The following CDC20B variants were observed in gnomAD, a reference collection of about 807,000 sequenced individuals.
The protein encoded by CDC20B is cell division cycle protein 20 homolog B.
Under a neutral mutation model 64.1 loss-of-function variants are expected in CDC20B, and 58 were observed. That is an observed-to-expected ratio of 0.90 (90% confidence interval 0.73 to 1.13). CDC20B has a LOEUF of 1.13. Among genes scored for constraint, CDC20B ranks in the 50% most tolerant of loss-of-function variants. The pLI is 0.00. For missense variants in CDC20B, 597 were observed against 633.0 expected (o/e 0.94, Z 0.61); for synonymous variants, 243 against 230.6 (o/e 1.05, Z -0.49).
At chr5:55,136,753 T>A (rs1037920704) in intron 5 of CDC20B, 1 of 152,148 alleles carries the variant, frequency 6.6e-6, no homozygotes, top group African/African-American at 2.4e-5. Context: ...ACCACGCTAG[T>A]TCTCTCAAGA....
chr5:55,124,765 G>T, intron 9 of CDC20B, 38 bp downstream of exon 9: 1 of 1,555,980 alleles, frequency 6.4e-7, no homozygotes, highest in South Asian at 1.1e-5. Context: ...AGTGGCCTCT[G>T]AGTAACAGGA....
At position 55,118,426 on chromosome 5, in the gene CDC20B, TA is replaced by T. The variant is rs568368704; in HGVS notation, c.1459+1374del. Among the ~76,000 whole-genome samples, 59 of 152,326 alleles carry T rather than the reference TA, an allele frequency of 3.9e-4. 1 individual carries two copies. Among genetic ancestry groups the T allele is most frequent in the African/African-American group, 1.3e-3 (56 of 41,566 alleles). On this transcript the variant is annotated intron_variant, in intron 11 of 11. Transcript: ENST00000381375. ...GAAAAAACTCGCAAGGAGTTAAAAC[TA>T]AAGTACTTATAGCTTGTGAGGACCA... is the stretch of plus-strand genomic sequence containing the variant.
chr5:55,167,034 ACC>A (rs1055128692), intron 2 of CDC20B: 29 of 152,110 alleles, frequency 1.9e-4, no homozygotes, highest in African/African-American at 7.0e-4. Context: ...CATCTTAAAG[ACC>A]CTGTCTCAAA....
At chr5:55,125,084 A>G in intron 8 of CDC20B, 56 bp from the exon 9 acceptor site, 1 of 1,414,440 alleles carries the variant, frequency 7.1e-7, no homozygotes, top group South Asian at 1.2e-5. Flanking sequence ...ACATTTGAAA[A>G]CATGGAGGAA....
intron 2 of CDC20B, among the ~76,000 whole-genome samples, chr5:55,153,015 G>T (rs1433809452): frequency 6.6e-6 from 1 of 152,072 alleles, no homozygotes; most frequent in African/African-American, 2.4e-5. Context: ...AAGGCAGGTG[G>T]ATGGCTTGAG....
Position 55,124,935 on chromosome 5 carries a change from C to G in CDC20B, c.1083G>C (p.Leu361=), listed in dbSNP as rs769990033. The change falls in exon 9 of 12, where the codon CTG becomes CTC. Residue 361 remains leucine (L), a synonymous_variant. Transcript: ENST00000381375. ...TLRHKQAVCA[L]KWSPDGRLLS... ...GCAGCCTGCCATCCGGTGACCACTT[C>G]AGAGCACACACAGCTTGCTTGTGGC... The G allele has an allele frequency of 2.5e-6, 4 of 1,614,094 alleles. No homozygotes were observed. The South Asian group carries it at 3.3e-5, about 13-fold the overall frequency.
chr5:55,127,736 G>A (rs1742930740), intron 7 of CDC20B, among the ~76,000 whole-genome samples: 1 of 152,106 alleles, frequency 6.6e-6, no homozygotes. Flanking sequence ...TGGGTACCCG[G>A]ACACTTCCTA....
chr5:55,145,967 T>G (rs78001619), intron 3 of CDC20B, among the ~76,000 whole-genome samples: 1,786 of 152,300 alleles, frequency 0.012, 40 homozygotes, highest in African/African-American at 0.036. Flanking sequence ...AATTCTATAC[T>G]TTGCAAAACA....
chr5:55,146,561 G>T (rs1743479931), intron 3 of CDC20B, 67 bp downstream of exon 3: 1 of 1,137,514 alleles, frequency 8.8e-7, no homozygotes, highest in Non-Finnish European at 1.3e-6. Context: ...ACAAGACAAA[G>T]ATTCTCTCAG....
intron 2 of CDC20B, among the ~76,000 whole-genome samples, chr5:55,147,183 TA>T (rs1743511420): frequency 8.7e-6 from 1 of 115,374 alleles, no homozygotes; most frequent in East Asian, 2.3e-4. Context: ...TTGTTTTATA[TA>T]TTTATATATT....
At position 55,113,957 on chromosome 5, in the gene CDC20B, T is replaced by C. The variant is rs1742565535; in HGVS notation, c.*261A>G. 2.3e-6 allele frequency: 1 copy of C among 428,544 alleles called. No individual in the cohort carries two copies. The highest frequency in any genetic ancestry group is 4.0e-6 in the Non-Finnish European group (1 of 246,934). 26.5% of individuals were successfully genotyped at this position (428,544 alleles called of 1,614,324 possible). ...GAATAAAGTAGTGAAAATGAATCTC[T>C]AGAAAGGGGTAAGAATGGGAGGAAG... On this transcript the variant is annotated 3_prime_UTR_variant, in exon 12 of 12. Coordinates refer to ENST00000381375, the MANE Select transcript of CDC20B (RefSeq NM_001170402.1).
intron 9 of CDC20B, 44 bp from the exon 10 acceptor site, chr5:55,120,594 G>A (rs2111800376): frequency 2.5e-6 from 4 of 1,606,050 alleles, no homozygotes; most frequent in Non-Finnish European, 2.6e-6. Flanking sequence ...AGCTTCAAAG[G>A]AGGTGCACTC....
chr5:55,119,967 A>G, intron 10 of CDC20B, 49 bp from the exon 11 acceptor site: 1 of 1,355,256 alleles, frequency 7.4e-7, no homozygotes, highest in East Asian at 2.3e-5. Context: ...CTGATTCCTT[A>G]TGAATATAGT....
intron 2 of CDC20B, among the ~76,000 whole-genome samples, chr5:55,169,849 C>T (rs1395264653): frequency 6.6e-6 from 1 of 152,218 alleles, no homozygotes; most frequent in Non-Finnish European, 1.5e-5. Context: ...CGCAGTGGCT[C>T]ACGCCTGTAA....
At chr5:55,142,078 G>A (rs1344334338) in intron 4 of CDC20B, among the ~76,000 whole-genome samples, 1 of 152,132 alleles carries the variant, frequency 6.6e-6, no homozygotes, top group Non-Finnish European at 1.5e-5. Flanking sequence ...ATCACAGCAA[G>A]GTTTAGCAGG....
At chr5:55,133,568 G>T in intron 5 of CDC20B, 40 bp from the exon 6 acceptor site, 1 of 840,730 alleles carries the variant, frequency 1.2e-6, no homozygotes, top group Non-Finnish European at 1.8e-6. Context: ...CTAAGATCCT[G>T]AAAATATAAT....
rs560166671 is a variant in CDC20B at position 55,113,617 on chromosome 5, C to G, written c.*601G>C. 8 of 152,612 alleles carry G rather than the reference C, an allele frequency of 5.2e-5. No individual in the cohort carries two copies. The highest frequency in any genetic ancestry group is 7.3e-5 in the Non-Finnish European group (5 of 68,312). The allele number at this position is 152,612 out of a possible 1,614,324, so 9.5% of individuals were successfully genotyped here. ...AAGGGTGAACTGAGGAAGCACAGAG[C>G]AGAATAATCAGGAGGTTCCCTGAGT... On this transcript the variant is annotated 3_prime_UTR_variant, in exon 12 of 12. Coordinates refer to ENST00000381375, the MANE Select transcript of CDC20B (RefSeq NM_001170402.1).
intron 6 of CDC20B, among the ~76,000 whole-genome samples, chr5:55,131,165 C>T (rs1743019153): frequency 6.6e-6 from 1 of 152,044 alleles, no homozygotes. Context: ...AACAAACAAA[C>T]AAACACATGA....
intron 2 of CDC20B, among the ~76,000 whole-genome samples, chr5:55,163,694 G>A (rs1744215949): frequency 6.6e-6 from 1 of 151,310 alleles, no homozygotes; most frequent in Admixed American, 6.6e-5. Flanking sequence ...TTTTAGTAGA[G>A]ATGGGGTTTC....
Sources: gnomAD v4.1 joint callset for allele counts (sites outside exome capture counted in the v4.1 genomes callset) on GRCh38, gnomAD v4.1.1 for gene constraint, MANE v1.5 for transcripts, NCBI Gene and HGNC (gene_info 2026-07-23, HGNC 2026-07-21) for gene names.